DPP10: variants seen among roughly 807,000 people sequenced by gnomAD.
DPP10 encodes dipeptidyl peptidase like 10, also known as inactive dipeptidyl peptidase 10.
In DPP10, 33 loss-of-function variants were observed where a neutral mutation model predicts 120.9. That is an observed-to-expected ratio of 0.27 (90% CI 0.21 to 0.37). The LOEUF (loss-of-function observed/expected upper bound fraction) is 0.37. Among genes scored for constraint, DPP10 ranks in the 10% least tolerant of loss-of-function variants. The pLI is 1.00. For synonymous variants in DPP10, 337 were observed against 326.1 expected (o/e 1.03, Z -0.36); for missense variants, 816 against 942.8 (o/e 0.87, Z 1.76).
intron 1 of DPP10, among the ~76,000 whole-genome samples, chr2:114,564,032 T>A (rs929496513): frequency 6.6e-6 from 1 of 152,206 alleles, no homozygotes; most frequent in African/African-American, 2.4e-5. Flanking sequence ...TTGGCCACAA[T>A]GTCCTCCTTC....
chr2:114,889,055 G>A (rs533178594), intron 1 of DPP10, among the ~76,000 whole-genome samples: 1 of 152,268 alleles, frequency 6.6e-6, no homozygotes, highest in Admixed American at 6.5e-5. Flanking sequence ...GCATTAGGAT[G>A]CAGACACAAA....
intron 1 of DPP10, among the ~76,000 whole-genome samples, chr2:114,997,907 A>G (rs1227506889): frequency 1.3e-5 from 2 of 152,204 alleles, no homozygotes; most frequent in Non-Finnish European, 2.9e-5. Flanking sequence ...TGAAATTCAC[A>G]TATGTTTCCT....
chr2:114,728,549 A>G (rs748895059), intron 1 of DPP10, among the ~76,000 whole-genome samples: 4 of 152,208 alleles, frequency 2.6e-5, no homozygotes, highest in Non-Finnish European at 1.5e-5. Flanking sequence ...TCTTGGACAC[A>G]TAAATGACTC....
At chr2:115,710,399 AC>A (rs1320360612) in intron 7 of DPP10, among the ~76,000 whole-genome samples, 1 of 152,132 alleles carries the variant, frequency 6.6e-6, no homozygotes, top group East Asian at 1.9e-4. Flanking sequence ...AGAAAATTAT[AC>A]ATTTGTAACA....
chr2:115,660,010 A>G (rs1229308790), intron 5 of DPP10, among the ~76,000 whole-genome samples: 2 of 152,220 alleles, frequency 1.3e-5, no homozygotes, highest in Non-Finnish European at 2.9e-5. Flanking sequence ...ATAGGGGTAA[A>G]TTTAAAAAAT....
chr2:114,827,035 T>C (rs193289368), intron 1 of DPP10, among the ~76,000 whole-genome samples: 61 of 152,104 alleles, frequency 4.0e-4, no homozygotes, highest in African/African-American at 1.2e-3. Context: ...GTGGTGAACG[T>C]CAGAGAGTGA....
chr2:115,587,134 G>A lies in DPP10; in HGVS notation c.441+61162G>A, dbSNP rs1371580935. Among the ~76,000 whole-genome samples the A allele has an allele frequency of 1.9e-4, 22 of 115,720 alleles. 1 individual carries two copies. The highest frequency in any genetic ancestry group is 2.9e-4 in the East Asian group (1 of 3,448). 75.9% of individuals were successfully genotyped at this position (115,720 alleles called of 152,430 possible). A position where few individuals can be genotyped will look rare whatever the true frequency, so the allele number is the denominator to read the frequency against. On this transcript the variant is annotated intron_variant, in intron 5 of 25. Transcript: ENST00000410059. ...TTCTTTTGAGACGGATTCTCACTAA[G>A]TCGCTCAGGCTGGAGTCCAGTGGCA...
intron 5 of DPP10, among the ~76,000 whole-genome samples, chr2:115,577,068 T>C (rs2081715968): frequency 6.6e-6 from 1 of 152,186 alleles, no homozygotes; most frequent in South Asian, 2.1e-4. Flanking sequence ...CAGATAAAGA[T>C]GCTTTTAGAG....
intron 1 of DPP10, among the ~76,000 whole-genome samples, chr2:115,225,290 G>A (rs1325413801): frequency 2.0e-5 from 3 of 152,004 alleles, no homozygotes; most frequent in Admixed American, 6.6e-5. Context: ...TTGCAGAGAC[G>A]CAGAACAGGT....
chr2:115,048,966 C>T (rs1705268943), intron 1 of DPP10, among the ~76,000 whole-genome samples: 1 of 152,072 alleles, frequency 6.6e-6, no homozygotes, highest in Non-Finnish European at 1.5e-5. Flanking sequence ...AAGTAAATTA[C>T]ATGCAGAGGG....
At chr2:114,488,020 T>C (rs1369963103) in intron 1 of DPP10, among the ~76,000 whole-genome samples, 1 of 152,218 alleles carries the variant, frequency 6.6e-6, no homozygotes, top group South Asian at 2.1e-4. Flanking sequence ...TTTATTCCAA[T>C]AAAGTCTTCA....
intron 1 of DPP10, among the ~76,000 whole-genome samples, chr2:114,647,886 G>A (rs1696260237): frequency 6.6e-6 from 1 of 151,774 alleles, no homozygotes; most frequent in Non-Finnish European, 1.5e-5. Flanking sequence ...TTGTATTTGG[G>A]GGGTCCTGTC....
intron 2 of DPP10, among the ~76,000 whole-genome samples, chr2:115,336,273 C>T (rs1431771084): frequency 1.3e-5 from 2 of 151,870 alleles, no homozygotes; most frequent in Non-Finnish European, 2.9e-5. Flanking sequence ...CCAAATAGAG[C>T]ACAGAAAAGA....
At chr2:115,025,283 C>T (rs77551457) in intron 1 of DPP10, among the ~76,000 whole-genome samples, 2,402 of 152,164 alleles carry the variant, frequency 0.016, 38 homozygotes, top group Non-Finnish European at 0.025. Flanking sequence ...CTTATTTCAC[C>T]TAGCGTAACA....
chr2:115,347,468 AGGGATGCTAGTTTCTT>A (rs2063766198), intron 3 of DPP10, among the ~76,000 whole-genome samples: 1 of 152,036 alleles, frequency 6.6e-6, no homozygotes, highest in Admixed American at 6.6e-5. Context: ...GCTTGGAAAG[AGGGATGCTAGTTTCTT>A]TTATTATTGT....
chr2:115,034,720 C>T lies in DPP10; in HGVS notation c.61-274519C>T, dbSNP rs949847330. On this transcript the variant is annotated intron_variant, in intron 1 of 25. Transcript: ENST00000410059. ...TTTACTAGTTAACAGTACTATTTGC[C>T]ATTGACTTCTCACTCTTCCTCACTT... 2.6e-5 allele frequency among the ~76,000 whole-genome samples: 4 copies of T among 152,170 alleles called. No homozygotes were observed. The South Asian group carries it at 8.3e-4, about 32-fold the overall frequency.
At chr2:114,653,027 A>AGTGTGTGTGTGTGTGTGTGTGTGT (rs10528455) in intron 1 of DPP10, among the ~76,000 whole-genome samples, 23 of 135,850 alleles carry the variant, frequency 1.7e-4, no homozygotes, top group African/African-American at 6.8e-4. Flanking sequence ...AGAGAGAGAG[A>AGTGTGTGTGTGTGTGTGTGTGTGT]GTGTGTGTGT....
chr2:115,596,673 A>G (rs2083008298), intron 5 of DPP10, among the ~76,000 whole-genome samples: 1 of 152,190 alleles, frequency 6.6e-6, no homozygotes, highest in Admixed American at 6.5e-5. Context: ...ATCTTAGAGT[A>G]CAAAGGTAAA....
intron 1 of DPP10, among the ~76,000 whole-genome samples, chr2:115,213,259 G>A (rs1237033145): frequency 1.3e-5 from 2 of 152,144 alleles, no homozygotes; most frequent in South Asian, 4.1e-4. Flanking sequence ...ACATACCTTA[G>A]AGTAGGATGC....
Sources: gnomAD v4.1 joint callset for allele counts (sites outside exome capture counted in the v4.1 genomes callset) on GRCh38, gnomAD v4.1.1 for gene constraint, MANE v1.5 for transcripts, NCBI Gene and HGNC (gene_info 2026-07-23, HGNC 2026-07-21) for gene names.